Variants in TGFBR2 observed in about 807,000 individuals in gnomAD.
The protein encoded by TGFBR2 is transforming growth factor beta receptor 2, also known as TGF-beta receptor type-2.
A neutral mutation model predicts 49.0 loss-of-function variants in TGFBR2; 18 were observed. The observed-to-expected ratio is 0.37, with a 90% CI of 0.25 to 0.54. The LOEUF (loss-of-function observed/expected upper bound fraction) is 0.54, where lower values mean the gene tolerates loss of function less well. TGFBR2 is among the 20% of genes least tolerant of loss of function. The pLI is 0.85. For synonymous variants in TGFBR2, 282 were observed against 275.9 expected (o/e 1.02, Z -0.22); for missense variants, 525 against 722.6 (o/e 0.73, Z 3.13).
At chr3:30,636,447 G>C (rs1698534312) in intron 1 of TGFBR2, among the ~76,000 whole-genome samples, 1 of 152,026 alleles carries the variant, frequency 6.6e-6, no homozygotes, top group Non-Finnish European at 1.5e-5. Context: ...TTCTGATCCT[G>C]GTGCCCAGAG....
chr3:30,626,038 C>A (rs1368134403), intron 1 of TGFBR2, among the ~76,000 whole-genome samples: 1 of 152,202 alleles, frequency 6.6e-6, no homozygotes, highest in African/African-American at 2.4e-5. Context: ...AGCCAAGCAC[C>A]TAGAAGTTCT....
chr3:30,613,917 A>G (rs1698080557), intron 1 of TGFBR2, among the ~76,000 whole-genome samples: 1 of 152,188 alleles, frequency 6.6e-6, no homozygotes, highest in African/African-American at 2.4e-5. Flanking sequence ...TGCAGCAGCA[A>G]CATTCCTTTG....
At chr3:30,685,683 T>TGA in intron 5 of TGFBR2, among the ~76,000 whole-genome samples, 2 of 152,268 alleles carry the variant, frequency 1.3e-5, no homozygotes, top group South Asian at 4.1e-4. Flanking sequence ...ACGCTGCCTC[T>TGA]GAGAGTAAGG....
Position 30,613,345 on chromosome 3 carries a change from T to C in TGFBR2, c.94+6368T>C, listed in dbSNP as rs140359108. Among the ~76,000 whole-genome samples the C allele has an allele frequency of 1.3e-3, 194 of 152,234 alleles. 1 individual carries two copies. The highest frequency in any genetic ancestry group is 4.5e-3 in the African/African-American group (188 of 41,540). ...TCCAGTCTTACTCTCTTTTCATTTTTAGACCATGATTTGGTTATGTGGGAA... is the reference window on the plus strand; with the variant it reads ...TCCAGTCTTACTCTCTTTTCATTTTCAGACCATGATTTGGTTATGTGGGAA... On this transcript the variant is annotated intron_variant, in intron 1 of 6. Transcript: ENST00000295754.
chr3:30,658,846 C>A (rs373482389), intron 3 of TGFBR2, among the ~76,000 whole-genome samples: 86 of 152,310 alleles, frequency 5.6e-4, no homozygotes, highest in African/African-American at 2.0e-3. Flanking sequence ...CCAGCTGGTT[C>A]CCTCTGGACC....
chr3:30,669,961 G>T (rs1699311036), intron 3 of TGFBR2, among the ~76,000 whole-genome samples: 1 of 152,066 alleles, frequency 6.6e-6, no homozygotes, highest in South Asian at 2.1e-4. Flanking sequence ...CATTCTACCT[G>T]GACTATATTC....
In TGFBR2 at chr3:30,645,786, A is replaced by G. The variant is rs150509449; in HGVS notation, c.263+871A>G. On this transcript the variant is annotated intron_variant, in intron 2 of 6. Transcript: ENST00000295754. ...CAGGCATGAGCCACCATGCCCGACC[A>G]GAACTATATATTTTTATCGGATCAC... Among the ~76,000 whole-genome samples, 69 of 152,016 alleles carry G rather than the reference A, an allele frequency of 4.5e-4. 1 individual carries two copies. Among genetic ancestry groups the G allele is most frequent in the African/African-American group, 1.5e-3 (62 of 41,490 alleles).
rs17025730 is a variant in TGFBR2 at position 30,619,420 on chromosome 3, A to G, written c.94+12443A>G. ...AGAAAGCCTTCCATGGATTTTATGA[A>G]TCCTAGATCATCACATGGCCTTCCC... On this transcript the variant is annotated intron_variant, in intron 1 of 6. Transcript: ENST00000295754. Among the ~76,000 whole-genome samples the G allele has an allele frequency of 7.9e-3, 1,205 of 152,290 alleles. 5 individuals are homozygous for G. Among genetic ancestry groups the G allele is most frequent in the Non-Finnish European group, 0.012 (815 of 68,020 alleles).
At position 30,692,445 on chromosome 3, in the gene TGFBR2, T is replaced by TCCCCATCC. The variant is rs1438428734; in HGVS notation, c.*847_*854dup. The TCCCCATCC allele has an allele frequency of 8.6e-6, 2 of 232,096 alleles. No homozygotes were observed. The highest frequency in any genetic ancestry group is 1.7e-5 in the Non-Finnish European group (2 of 117,298). 14.4% of individuals were successfully genotyped at this position (232,096 alleles called of 1,614,324 possible). ...GGTTGCAGAAAAATCAGAACAGATG[T>TCCCCATCC]CCCCATCCATGCGATTGCCCCACCA... On this transcript the variant is annotated 3_prime_UTR_variant, in exon 7 of 7. Coordinates refer to ENST00000295754, the MANE Select transcript of TGFBR2 (RefSeq NM_003242.6).
chr3:30,677,900 G>T (rs893881048), intron 5 of TGFBR2, among the ~76,000 whole-genome samples: 1 of 152,058 alleles, frequency 6.6e-6, no homozygotes, highest in Non-Finnish European at 1.5e-5. Flanking sequence ...ATTAAATAAT[G>T]AATCCCCCTG....
Position 30,692,003 on chromosome 3 carries a change from G to A in TGFBR2, c.*404G>A, listed in dbSNP as rs1256545979. 1 of 220,756 alleles carries A rather than the reference G, an allele frequency of 4.5e-6. No homozygotes were observed. The highest frequency in any genetic ancestry group is 6.7e-5 in the East Asian group (1 of 14,910). 13.7% of individuals were successfully genotyped at this position (220,756 alleles called of 1,614,324 possible). ...AAGGAAAAACATCAAATATTCCCAGGAAATTGGTTTTATTGGAGAACTCCA... is the reference window on the plus strand; with the variant it reads ...AAGGAAAAACATCAAATATTCCCAGAAAATTGGTTTTATTGGAGAACTCCA... On this transcript the variant is annotated 3_prime_UTR_variant, in exon 7 of 7. Coordinates refer to ENST00000295754, the MANE Select transcript of TGFBR2 (RefSeq NM_003242.6).
intron 3 of TGFBR2, among the ~76,000 whole-genome samples, chr3:30,661,334 C>A (rs1288188328): frequency 6.6e-6 from 1 of 152,130 alleles, no homozygotes; most frequent in Non-Finnish European, 1.5e-5. Flanking sequence ...ATTTCCTGGA[C>A]AAAGCCTGGT....
At chr3:30,656,169 A>G (rs1019855) in intron 3 of TGFBR2, among the ~76,000 whole-genome samples, 26,175 of 152,142 alleles carry the variant, frequency 0.17, 2,658 homozygotes, top group East Asian at 0.37. Context: ...TTGGAAATGA[A>G]CTAAATATAC....
At chr3:30,653,296 G>A (rs1228202913) in intron 3 of TGFBR2, among the ~76,000 whole-genome samples, 1 of 130,348 alleles carries the variant, frequency 7.7e-6, no homozygotes, top group African/African-American at 2.8e-5. Context: ...CTGTCACCCG[G>A]GCTGGAGTGC....
chr3:30,639,809 C>T (rs1033241657), intron 1 of TGFBR2, among the ~76,000 whole-genome samples: 3 of 152,124 alleles, frequency 2.0e-5, no homozygotes, highest in Admixed American at 6.5e-5. Flanking sequence ...CAATGATACA[C>T]GAATGCATGA....
intron 5 of TGFBR2, among the ~76,000 whole-genome samples, chr3:30,677,845 C>G (rs2125442534): frequency 6.6e-6 from 1 of 152,280 alleles, no homozygotes; most frequent in Non-Finnish European, 1.5e-5. Context: ...CCTCTCCCTT[C>G]TTTTTAAAAA....
At chr3:30,677,933 A>G (rs1440457123) in intron 5 of TGFBR2, among the ~76,000 whole-genome samples, 2 of 152,262 alleles carry the variant, frequency 1.3e-5, no homozygotes, top group Non-Finnish European at 2.9e-5. Flanking sequence ...CTTTAATTTT[A>G]AGGTATAAGG....
At chr3:30,616,542 G>A (rs1208079149) in intron 1 of TGFBR2, among the ~76,000 whole-genome samples, 1 of 152,072 alleles carries the variant, frequency 6.6e-6, no homozygotes, top group Non-Finnish European at 1.5e-5. Context: ...CTTCCCACTG[G>A]GGCTCATTTT....
chr3:30,638,502 T>C (rs79858912), intron 1 of TGFBR2, among the ~76,000 whole-genome samples: 4,637 of 152,268 alleles, frequency 0.03, 94 homozygotes, highest in Non-Finnish European at 0.046. Context: ...GACTGTCAGT[T>C]GAAGGAAAGC....
Sources: allele counts gnomAD v4.1 joint callset (sites outside exome capture counted in the v4.1 genomes callset), GRCh38; gene constraint gnomAD v4.1.1; transcripts MANE v1.5; gene names NCBI Gene and HGNC (gene_info 2026-07-23, HGNC 2026-07-21).